Variants in CREB5 observed in about 807,000 individuals in gnomAD.
CREB5 encodes the protein cyclic AMP-responsive element-binding protein 5.
A neutral mutation model predicts 57.1 loss-of-function variants in CREB5; 19 were observed. The observed-to-expected ratio is 0.33, with a 90% confidence interval of 0.23 to 0.49. CREB5 has a LOEUF of 0.49. Among genes scored for constraint, CREB5 ranks in the 20% least tolerant of loss-of-function variants. The pLI is 0.99. For missense variants in CREB5, 579 were observed against 671.6 expected (o/e 0.86, Z 1.52); for synonymous variants, 238 against 238.3 (o/e 1.00, Z 0.01).
intron 4 of CREB5, among the ~76,000 whole-genome samples, chr7:28,518,321 GA>G: frequency 6.6e-6 from 1 of 152,320 alleles, no homozygotes; most frequent in Non-Finnish European, 1.5e-5. Context: ...CCCCAAAGAA[GA>G]AAAGCAGTCG....
intron 4 of CREB5, among the ~76,000 whole-genome samples, chr7:28,556,118 A>G (rs1357840711): frequency 6.6e-6 from 1 of 152,184 alleles, no homozygotes; most frequent in East Asian, 1.9e-4. Flanking sequence ...AGGTAGAGAA[A>G]TGCAGCTTCT....
chr7:28,466,727 A>G (rs1790590251), intron 1 of CREB5, among the ~76,000 whole-genome samples: 1 of 152,062 alleles, frequency 6.6e-6, no homozygotes, highest in Non-Finnish European at 1.5e-5. Flanking sequence ...CTTAGACGAC[A>G]TCTCTCCGGT....
rs986937016 is a variant in CREB5 at position 28,688,046 on chromosome 7, T to C, written c.465-30707T>C. Among the ~76,000 whole-genome samples, 3 of 152,332 alleles carry C rather than the reference T, an allele frequency of 2.0e-5. No homozygotes were observed. The South Asian group carries it at 6.2e-4, about 32-fold the overall frequency. On this transcript the variant is annotated intron_variant, in intron 5 of 10. Transcript: ENST00000357727. The stretch of plus-strand genomic sequence containing the variant: ...AAAGTTTGCTACAGAGTATTTAGCA[T>C]AGCTTTTCAGAGAAAAGTACATTTG...
intron 1 of CREB5, among the ~76,000 whole-genome samples, chr7:28,300,768 A>G (rs1358751894): frequency 6.6e-6 from 1 of 152,202 alleles, no homozygotes; most frequent in African/African-American, 2.4e-5. Flanking sequence ...GACAGTGGTT[A>G]TCAAACTTGG....
At chr7:28,747,866 C>G (rs1366503981) in intron 7 of CREB5, among the ~76,000 whole-genome samples, 1 of 152,186 alleles carries the variant, frequency 6.6e-6, no homozygotes, top group Admixed American at 6.5e-5. Flanking sequence ...GGGCGCCCCT[C>G]CCCTGAAGAA....
intron 4 of CREB5, among the ~76,000 whole-genome samples, chr7:28,560,881 T>TGTGTGCGC (rs1554344374): frequency 1.9e-4 from 9 of 46,240 alleles, no homozygotes; most frequent in East Asian, 5.3e-4. Context: ...TGCGCGTGCG[T>TGTGTGCGC]GCGTGCGTGT....
rs12539977 is a variant in CREB5 at position 28,386,054 on chromosome 7, C to T, written c.-25+86613C>T. On this transcript the variant is annotated intron_variant, in intron 1 of 9. Transcript: ENST00000396299. ...ATTGTTGCCCACTAATTTGGGGCAA[C>T]CTTTTTTCACATTCCCAATTTAGAC... is the stretch of plus-strand genomic sequence containing the variant. 2.7e-3 allele frequency among the ~76,000 whole-genome samples: 407 copies of T among 152,276 alleles called. 1 individual carries two copies. The highest frequency in any genetic ancestry group is 4.4e-3 in the Non-Finnish European group (299 of 68,018).
At chr7:28,666,405 T>TG (rs1799825570) in intron 5 of CREB5, among the ~76,000 whole-genome samples, 1 of 152,114 alleles carries the variant, frequency 6.6e-6, no homozygotes, top group African/African-American at 2.4e-5. Flanking sequence ...ACCCTGGAGG[T>TG]GTCAGTGATG....
At chr7:28,542,587 A>AGT (rs984547151) in intron 4 of CREB5, among the ~76,000 whole-genome samples, 100 of 152,020 alleles carry the variant, frequency 6.6e-4, no homozygotes, top group Middle Eastern at 6.8e-3. Flanking sequence ...TGTGTGTGTG[A>AGT]GTGTGTGTGT....
chr7:28,737,519 G>A (rs1201524173), intron 7 of CREB5, among the ~76,000 whole-genome samples: 4 of 125,416 alleles, frequency 3.2e-5, no homozygotes, highest in South Asian at 2.6e-4. Context: ...GTGTGTGTGT[G>A]TATATATGTA....
chr7:28,302,603 G>T (rs549505217), intron 1 of CREB5, among the ~76,000 whole-genome samples: 110 of 152,264 alleles, frequency 7.2e-4, no homozygotes, highest in African/African-American at 2.5e-3. Context: ...CTCTTCCAAA[G>T]TCCCAGAAAG....
At chr7:28,551,776 C>T (rs921733975) in intron 4 of CREB5, among the ~76,000 whole-genome samples, 4 of 152,090 alleles carry the variant, frequency 2.6e-5, no homozygotes, top group African/African-American at 4.8e-5. Context: ...CTAAAACCTG[C>T]GTAGGACCTT....
chr7:28,801,324 T>C (rs1808351302), intron 7 of CREB5, among the ~76,000 whole-genome samples: 1 of 152,210 alleles, frequency 6.6e-6, no homozygotes, highest in Non-Finnish European at 1.5e-5. Flanking sequence ...TTTATAGTAA[T>C]GAAATTACAA....
intron 7 of CREB5, among the ~76,000 whole-genome samples, chr7:28,758,858 G>A (rs868580426): frequency 8.5e-5 from 13 of 152,206 alleles, no homozygotes; most frequent in Non-Finnish European, 1.3e-4. Flanking sequence ...GCCTTTCACA[G>A]TTCCTAATTA....
chr7:28,439,875 C>T (rs900012536), intron 1 of CREB5, among the ~76,000 whole-genome samples: 1 of 152,132 alleles, frequency 6.6e-6, no homozygotes, highest in African/African-American at 2.4e-5. Flanking sequence ...GCGTACCATT[C>T]AGCCTTGTAT....
At chr7:28,429,427 G>GC (rs1343660862) in intron 1 of CREB5, among the ~76,000 whole-genome samples, 2 of 152,152 alleles carry the variant, frequency 1.3e-5, no homozygotes, top group Non-Finnish European at 2.9e-5. Context: ...CTGGCACATG[G>GC]CAGACACTTC....
intron 1 of CREB5, among the ~76,000 whole-genome samples, chr7:28,331,583 T>C (rs1411164832): frequency 6.6e-6 from 1 of 152,102 alleles, no homozygotes; most frequent in Non-Finnish European, 1.5e-5. Context: ...TCCTACACTT[T>C]GCACATGCTT....
At chr7:28,299,710 T>C (rs1311395255) in intron 1 of CREB5, among the ~76,000 whole-genome samples, 1 of 152,260 alleles carries the variant, frequency 6.6e-6, no homozygotes, top group Non-Finnish European at 1.5e-5. Flanking sequence ...TAGGAAGTGT[T>C]ATTCACTAGC....
At chr7:28,601,160 A>G (rs1299228974) in intron 5 of CREB5, among the ~76,000 whole-genome samples, 1 of 150,582 alleles carries the variant, frequency 6.6e-6, no homozygotes, top group East Asian at 1.9e-4. Context: ...CATTTCCCTT[A>G]TTATTATTAT....
Sources: allele counts gnomAD v4.1 joint callset (sites outside exome capture counted in the v4.1 genomes callset), GRCh38; gene constraint gnomAD v4.1.1; transcripts MANE v1.5; gene names NCBI Gene and HGNC (gene_info 2026-07-23, HGNC 2026-07-21).